CSPP1: variants seen among roughly 807,000 people sequenced by gnomAD.
CSPP1 encodes centrosome and spindle pole-associated protein 1.
CSPP1 carries 126 observed loss-of-function variants against 164.4 expected under a neutral mutation model. The ratio of observed to expected loss-of-function variants is 0.77; its 90% confidence interval spans 0.66 to 0.89. The LOEUF (loss-of-function observed/expected upper bound fraction) is 0.89. CSPP1 is among the 40% of genes least tolerant of loss of function. CSPP1 has a pLI of 0.00. For synonymous variants in CSPP1, 472 were observed against 476.7 expected (o/e 0.99, Z 0.13); for missense variants, 1,395 against 1,449.8 (o/e 0.96, Z 0.61).
chr8:67,119,150 A>C (rs1818506232), intron 15 of CSPP1, among the ~76,000 whole-genome samples: 1 of 152,124 alleles, frequency 6.6e-6, no homozygotes, highest in South Asian at 2.1e-4. Context: ...TGACTGGCTT[A>C]TTTCACTTTG....
intron 17 of CSPP1, among the ~76,000 whole-genome samples, chr8:67,143,176 T>C (rs181634111): frequency 2.0e-3 from 303 of 152,218 alleles, no homozygotes; most frequent in Middle Eastern, 6.8e-3. Context: ...TCTGTGAAAT[T>C]CCTCTTTCTC....
At chr8:67,141,174 A>C (rs1180782867) in intron 17 of CSPP1, among the ~76,000 whole-genome samples, 3 of 152,168 alleles carry the variant, frequency 2.0e-5, no homozygotes, top group Non-Finnish European at 2.9e-5. Flanking sequence ...AAACAATACA[A>C]TTATTGTGTT....
chr8:67,072,905 C>A (rs949585226), intron 1 of CSPP1, among the ~76,000 whole-genome samples: 138 of 147,056 alleles, frequency 9.4e-4, no homozygotes, highest in Non-Finnish European at 1.9e-3. Context: ...GAAAGAAAAG[C>A]TAATTTTAAC....
chr8:67,158,864 TG>T, intron 20 of CSPP1, 126 bp from the exon 21 acceptor site: 5 of 948,910 alleles, frequency 5.3e-6, no homozygotes, highest in Non-Finnish European at 4.7e-6. Flanking sequence ...AGACAACTTA[TG>T]TTAAAGAACA....
chr8:67,112,199 A>G (rs1816992824), intron 10 of CSPP1, 134 bp downstream of exon 10: 2 of 470,526 alleles, frequency 4.3e-6, no homozygotes. Flanking sequence ...TCATCTCTAC[A>G]TGCTAAATCA....
At chr8:67,144,538 G>A (rs1824111591) in intron 17 of CSPP1, among the ~76,000 whole-genome samples, 1 of 151,976 alleles carries the variant, frequency 6.6e-6, no homozygotes. Context: ...CTCCTAGGCC[G>A]AAGCAATTCT....
intron 15 of CSPP1, among the ~76,000 whole-genome samples, chr8:67,124,608 T>C (rs1255968596): frequency 6.6e-6 from 1 of 151,726 alleles, no homozygotes; most frequent in African/African-American, 2.4e-5. Flanking sequence ...TCAAACAGTC[T>C]TCCCGCCTTA....
intron 15 of CSPP1, among the ~76,000 whole-genome samples, chr8:67,121,470 T>G (rs1818960844): frequency 6.6e-6 from 1 of 152,206 alleles, no homozygotes; most frequent in Admixed American, 6.5e-5. Context: ...GTATATTGAT[T>G]GATTTTTTTA....
chr8:67,158,871 G>A, intron 20 of CSPP1, 120 bp from the exon 21 acceptor site: 2 of 971,254 alleles, frequency 2.1e-6, no homozygotes, highest in Non-Finnish European at 3.0e-6. Flanking sequence ...TTATGTTAAA[G>A]AACACCATAT....
At chr8:67,159,509 C>CT (rs1172369424) in intron 21 of CSPP1, among the ~76,000 whole-genome samples, 5,656 of 48,982 alleles carry the variant, frequency 0.12, 1,758 homozygotes, top group Non-Finnish European at 0.17. Context: ...TATATGTATT[C>CT]TTTTTTTTTT....
At chr8:67,099,111 T>C (rs1231814231) in intron 7 of CSPP1, among the ~76,000 whole-genome samples, 1 of 152,080 alleles carries the variant, frequency 6.6e-6, no homozygotes, top group Non-Finnish European at 1.5e-5. Context: ...AAAAATATTT[T>C]TTTCATTTAA....
At chr8:67,113,942 T>A (rs1817407448) in intron 11 of CSPP1, 80 bp downstream of exon 11, 4 of 797,842 alleles carry the variant, frequency 5.0e-6, no homozygotes, top group Non-Finnish European at 8.3e-6. Context: ...GGATAGAGAA[T>A]ATTGGGAGAA....
chr8:67,069,732 C>T (rs1195981322), intron 1 of CSPP1, among the ~76,000 whole-genome samples: 1 of 149,408 alleles, frequency 6.7e-6, no homozygotes, highest in Non-Finnish European at 1.5e-5. Context: ...GATCTCGGCT[C>T]ACTGCAACTT....
At chr8:67,138,306 G>C (rs752035626) in intron 17 of CSPP1, among the ~76,000 whole-genome samples, 4 of 152,116 alleles carry the variant, frequency 2.6e-5, no homozygotes, top group Non-Finnish European at 4.4e-5. Flanking sequence ...TTGGTAAAGT[G>C]TTCGCATATA....
chr8:67,078,940 C>T (rs2129542140), intron 3 of CSPP1, among the ~76,000 whole-genome samples: 1 of 152,152 alleles, frequency 6.6e-6, no homozygotes, highest in Non-Finnish European at 1.5e-5. Context: ...CCCCTGCACT[C>T]CAGCCTGGGT....
In CSPP1 at chr8:67,193,600, C is replaced by G; in HGVS notation, c.3467C>G (p.Thr1156Arg). The G allele has an allele frequency of 6.2e-7, 1 of 1,612,468 alleles. No homozygotes were observed. The highest frequency in any genetic ancestry group is 8.5e-7 in the Non-Finnish European group (1 of 1,178,892). Residue 1156 changes from threonine to arginine, a missense_variant and splice_region_variant, in exon 30 of 31, where the codon ACA becomes AGA. Transcript: ENST00000678616. ...GAATTTCACAATAAACCTATTAATACAGGTAAATGACCAAGTGTAATGGCC... is the reference window on the plus strand; with the variant it reads ...GAATTTCACAATAAACCTATTAATAGAGGTAAATGACCAAGTGTAATGGCC... ...LNEFHNKPIN[T>R]DDESSLVDPD...
intron 24 of CSPP1, among the ~76,000 whole-genome samples, chr8:67,171,357 C>T (rs1189331940): frequency 6.0e-5 from 9 of 151,184 alleles, no homozygotes; most frequent in African/African-American, 1.4e-4. Context: ...GCTGAGATCA[C>T]GCCACTGCAC....
intron 17 of CSPP1, among the ~76,000 whole-genome samples, chr8:67,147,868 T>C (rs1458509530): frequency 1.3e-5 from 2 of 152,128 alleles, no homozygotes; most frequent in African/African-American, 4.8e-5. Context: ...TGTTACTCTT[T>C]AGGTCTTCCC....
intron 12 of CSPP1, chr8:67,115,234 G>A (rs769129959): frequency 3.9e-5 from 6 of 152,118 alleles, no homozygotes; most frequent in Non-Finnish European, 5.9e-5. Flanking sequence ...GAAGTAGCAC[G>A]GTGTCCTAGT....
Sources: gnomAD v4.1 joint callset for allele counts (sites outside exome capture counted in the v4.1 genomes callset) on GRCh38, gnomAD v4.1.1 for gene constraint, MANE v1.5 for transcripts, NCBI Gene and HGNC (gene_info 2026-07-23, HGNC 2026-07-21) for gene names.